The following UTP25 variants were observed in gnomAD, a reference collection of about 807,000 sequenced individuals.
UTP25 encodes the protein U3 small nucleolar RNA-associated protein 25 homolog.
UTP25 carries 50 observed loss-of-function variants against 78.9 expected under a neutral mutation model. The ratio of observed to expected loss-of-function variants is 0.63; its 90% CI spans 0.50 to 0.80. UTP25 has a LOEUF of 0.80. Among genes scored for constraint, UTP25 ranks in the 30% least tolerant of loss-of-function variants. The probability of loss-of-function intolerance (pLI) is 0.00; values close to 1 mark genes in which losing one functional copy is unlikely to be tolerated. For missense variants in UTP25, 846 were observed against 911.3 expected (o/e 0.93, Z 0.92); for synonymous variants, 329 against 336.5 (o/e 0.98, Z 0.24).
chr1:209,850,549 G>T (rs578222665), intron 11 of UTP25, among the ~76,000 whole-genome samples: 5 of 152,318 alleles, frequency 3.3e-5, no homozygotes, highest in African/African-American at 1.2e-4. Flanking sequence ...CAGCCTGACT[G>T]AACCATACTG....
intron 11 of UTP25, among the ~76,000 whole-genome samples, chr1:209,845,380 T>G (rs1229244581): frequency 1.3e-5 from 2 of 152,236 alleles, no homozygotes; most frequent in African/African-American, 4.8e-5. Flanking sequence ...CTCTTAGCTT[T>G]CTATCATCTT....
intron 10 of UTP25, chr1:209,843,152 G>T: frequency 2.3e-6 from 1 of 438,302 alleles, no homozygotes; most frequent in Admixed American, 4.0e-5. Context: ...CTGTTGGACT[G>T]AGTGACTGAG....
intron 11 of UTP25, among the ~76,000 whole-genome samples, chr1:209,845,360 G>C (rs1270246500): frequency 6.6e-6 from 1 of 152,176 alleles, no homozygotes; most frequent in Non-Finnish European, 1.5e-5. Flanking sequence ...CACTCATCAG[G>C]TCTTAAAAGC....
intron 1 of UTP25, among the ~76,000 whole-genome samples, chr1:209,829,371 T>G (rs1027712558): frequency 2.0e-5 from 3 of 152,248 alleles, no homozygotes; most frequent in Non-Finnish European, 2.9e-5. Flanking sequence ...ACTAAGTGTA[T>G]TAGTAGTTGT....
intron 1 of UTP25, among the ~76,000 whole-genome samples, chr1:209,829,860 CCTT>C (rs2078093313): frequency 6.6e-6 from 1 of 152,142 alleles, no homozygotes; most frequent in Admixed American, 6.5e-5. Context: ...CAAGTTGTAT[CCTT>C]CTTTTGGATG....
intron 11 of UTP25, among the ~76,000 whole-genome samples, chr1:209,849,304 G>A (rs1203309747): frequency 1.1e-4 from 16 of 151,938 alleles, no homozygotes; most frequent in African/African-American, 1.7e-4. Context: ...TTCCCTAATC[G>A]AACTCTGCTT....
At chr1:209,832,967 A>C (rs1485631167) in intron 3 of UTP25, among the ~76,000 whole-genome samples, 1 of 152,224 alleles carries the variant, frequency 6.6e-6, no homozygotes, top group Non-Finnish European at 1.5e-5. Context: ...ATATCTGGGC[A>C]CTGTGTCCCA....
intron 11 of UTP25, among the ~76,000 whole-genome samples, chr1:209,849,790 T>C (rs1045932441): frequency 1.3e-5 from 2 of 152,246 alleles, no homozygotes; most frequent in Admixed American, 6.5e-5. Context: ...TGTATCTATT[T>C]TCTTACTACC....
chr1:209,843,828 CAG>C lies in UTP25; in HGVS notation c.2027+137_2027+138del, dbSNP rs1453069857. The C allele has an allele frequency of 2.3e-6, 3 of 1,298,944 alleles. No homozygotes were observed. The African/African-American group carries it at 4.5e-5, about 19-fold the overall frequency. The allele number at this position is 1,298,944 out of a possible 1,614,324, so 80.5% of individuals were successfully genotyped here. ...CACTCTCGCACTCTTACAAAGTAGC[CAG>C]AGAGTTTTTGGTTTGGACAGACTCT... On this transcript the variant is annotated intron_variant, in intron 11 of 11. Transcript: ENST00000491415.
At chr1:209,851,092 C>A in intron 11 of UTP25, 112 bp from the exon 12 acceptor site, 1 of 1,218,516 alleles carries the variant, frequency 8.2e-7, no homozygotes, top group Non-Finnish European at 1.1e-6. Context: ...CACTGTTTTT[C>A]TCCATTAGCA....
At chr1:209,831,608 C>T (rs628445) in intron 3 of UTP25, among the ~76,000 whole-genome samples, 103,804 of 152,042 alleles carry the variant, frequency 0.68, 36,132 homozygotes, top group Non-Finnish European at 0.75. Flanking sequence ...TACAGTAAAA[C>T]GTATCCAATT....
chr1:209,852,481 C>T lies in UTP25; in HGVS notation c.*1034C>T, dbSNP rs1558058403. On this transcript the variant is annotated 3_prime_UTR_variant, in exon 12 of 12. Coordinates refer to ENST00000491415, the MANE Select transcript of UTP25 (RefSeq NM_014388.7). The stretch of plus-strand genomic sequence containing the variant: ...GATATTCAACTCATCCTAGTATGGA[C>T]TCGTAGTTTCTTCTTTTATTCAATG... 1 of 152,284 alleles carries T rather than the reference C, an allele frequency of 6.6e-6. No homozygotes were observed. Among genetic ancestry groups the T allele is most frequent in the East Asian group, 1.9e-4 (1 of 5,188 alleles). 9.4% of individuals were successfully genotyped at this position (152,284 alleles called of 1,614,324 possible). A position where few individuals can be genotyped will look rare whatever the true frequency, so the allele number is the denominator to read the frequency against.
chr1:209,853,717 G>A lies in UTP25; in HGVS notation c.*2270G>A, dbSNP rs929672105. 1 of 152,114 alleles carries A rather than the reference G, an allele frequency of 6.6e-6. No individual in the cohort carries two copies. Among genetic ancestry groups the A allele is most frequent in the African/African-American group, 2.4e-5 (1 of 41,422 alleles). 9.4% of individuals were successfully genotyped at this position (152,114 alleles called of 1,614,324 possible). A position where few individuals can be genotyped will look rare whatever the true frequency, so the allele number is the denominator to read the frequency against. On this transcript the variant is annotated 3_prime_UTR_variant, in exon 12 of 12. Coordinates refer to ENST00000491415, the MANE Select transcript of UTP25 (RefSeq NM_014388.7). ...TTGCCTGTGAATTGTAGTTCATCTC[G>A]TGGTTTCCATTATTACTATTCACAC... is the stretch of plus-strand genomic sequence containing the variant.
Position 209,833,372 on chromosome 1 carries a change from G to A in UTP25, c.562+14G>A. 6.6e-7 allele frequency: 1 copy of A among 1,514,272 alleles called. No individual in the cohort carries two copies. Among genetic ancestry groups the A allele is most frequent in the South Asian group, 1.3e-5 (1 of 75,454 alleles). 93.8% of individuals were successfully genotyped at this position (1,514,272 alleles called of 1,614,324 possible). On this transcript the variant is annotated intron_variant, in intron 4 of 11. Coordinates refer to ENST00000491415, the MANE Select transcript of UTP25 (RefSeq NM_014388.7). Reference sequence around the variant, plus strand: ...AAGCCTCTCAAGGTCATAGCACAGTGTGTGTTATTTGAATTCACCAGGTGC... The same window carrying A: ...AAGCCTCTCAAGGTCATAGCACAGTATGTGTTATTTGAATTCACCAGGTGC...
chr1:209,845,352 C>T (rs188275746), intron 11 of UTP25, among the ~76,000 whole-genome samples: 26 of 152,332 alleles, frequency 1.7e-4, no homozygotes, highest in Admixed American at 1.3e-3. Flanking sequence ...GGAAGTTGCA[C>T]TCATCAGGTC....
rs771675904 is a variant in UTP25 at position 209,833,181 on chromosome 1, G to T, written c.389-4G>T. ...ATTTTATAAAATGTTTCTCAAAACTGCAGATGTAGCTTTATCTGCTGACCC... is the reference window on the plus strand; with the variant it reads ...ATTTTATAAAATGTTTCTCAAAACTTCAGATGTAGCTTTATCTGCTGACCC... On this transcript the variant is annotated splice_region_variant and splice_polypyrimidine_tract_variant and intron_variant, in intron 3 of 11. Transcript: ENST00000491415. 1.2e-6 allele frequency: 2 copies of T among 1,607,810 alleles called. No homozygotes were observed. The highest frequency in any genetic ancestry group is 1.7e-6 in the Non-Finnish European group (2 of 1,178,268).
At chr1:209,843,080 G>A in intron 10 of UTP25, 1 of 332,590 alleles carries the variant, frequency 3.0e-6, no homozygotes, top group Non-Finnish European at 5.5e-6. Flanking sequence ...GTTTAGTTAG[G>A]GGACCCCAAA....
intron 4 of UTP25, among the ~76,000 whole-genome samples, chr1:209,834,485 A>T (rs1387883601): frequency 6.6e-6 from 1 of 152,194 alleles, no homozygotes; most frequent in Non-Finnish European, 1.5e-5. Context: ...TCAATCAGAC[A>T]TGGAACCTGT....
At chr1:209,833,103 T>C in intron 3 of UTP25, 82 bp from the exon 4 acceptor site, 2 of 1,297,794 alleles carry the variant, frequency 1.5e-6, no homozygotes, top group Non-Finnish European at 2.1e-6. Context: ...CTATTGTTGG[T>C]ATAGCCTAAG....
Sources: gnomAD v4.1 joint callset for allele counts (sites outside exome capture counted in the v4.1 genomes callset) on GRCh38, gnomAD v4.1.1 for gene constraint, MANE v1.5 for transcripts, NCBI Gene and HGNC (gene_info 2026-07-23, HGNC 2026-07-21) for gene names.